Variants in TRAM2 observed in about 807,000 individuals in gnomAD.
The protein encoded by TRAM2 is translocation associated membrane protein 2, also known as translocating chain-associated membrane protein 2.
A neutral mutation model predicts 51.0 loss-of-function variants in TRAM2; 12 were observed. The ratio of observed to expected loss-of-function variants is 0.24; its 90% CI spans 0.15 to 0.38. TRAM2 has a LOEUF of 0.38. TRAM2 is among the 10% of genes least tolerant of loss of function. TRAM2 has a pLI of 1.00. For synonymous variants in TRAM2, 175 were observed against 179.4 expected, an observed-to-expected ratio of 0.98 and a Z score of 0.20; for missense variants, 361 against 462.0, an observed-to-expected ratio of 0.78 and a Z score of 2.00.
chr6:52,534,696 C>T (rs1651595532), intron 2 of TRAM2, among the ~76,000 whole-genome samples: 1 of 152,176 alleles, frequency 6.6e-6, no homozygotes, highest in African/African-American at 2.4e-5. Context: ...TCTTTGGATT[C>T]TTTTGTAGGG....
intron 2 of TRAM2, among the ~76,000 whole-genome samples, chr6:52,530,267 A>T (rs1391605874): frequency 6.6e-6 from 1 of 152,188 alleles, no homozygotes; most frequent in African/African-American, 2.4e-5. Context: ...AACCTCAAGG[A>T]CGCCAGGGTG....
chr6:52,577,027 A>G lies in TRAM2; in HGVS notation c.-112T>C. 8.1e-7 allele frequency: 1 copy of G among 1,229,070 alleles called. No individual in the cohort carries two copies. Among genetic ancestry groups the G allele is most frequent in the Non-Finnish European group, 1.0e-6 (1 of 974,684 alleles). 76.1% of individuals were successfully genotyped at this position (1,229,070 alleles called of 1,614,324 possible). On this transcript the variant is annotated 5_prime_UTR_variant, in exon 1 of 11. Transcript: ENST00000182527. ...CCGCCGGCCCGCCGCCCGCTCTCCC[A>G]CAGCCGCTCGCCCGCCCAGCGCGGA...
chr6:52,564,471 C>A (rs757307872), intron 1 of TRAM2, among the ~76,000 whole-genome samples: 1 of 152,150 alleles, frequency 6.6e-6, no homozygotes, highest in Admixed American at 6.5e-5. Flanking sequence ...ATTCCCCCTG[C>A]GCCCAAGCCT....
Position 52,500,272 on chromosome 6 carries a change from A to G in TRAM2, c.*2925T>C, listed in dbSNP as rs1766183388. 1 of 152,202 alleles carries G rather than the reference A, an allele frequency of 6.6e-6. No individual in the cohort carries two copies. The highest frequency in any genetic ancestry group is 1.9e-4 in the East Asian group (1 of 5,188). The allele number at this position is 152,202 out of a possible 1,614,324, so 9.4% of individuals were successfully genotyped here. A position where few individuals can be genotyped will look rare whatever the true frequency, so the allele number is the denominator to read the frequency against. On this transcript the variant is annotated 3_prime_UTR_variant, in exon 11 of 11. Transcript: ENST00000182527. ...ATGCATAAAACTGAAGAAAACAGCC[A>G]AAGTGGCCAAAATTAGAACAAGCTA...
Position 52,520,500 on chromosome 6 carries a change from G to A in TRAM2, c.185-3763C>T, listed in dbSNP as rs1766651276. Among the ~76,000 whole-genome samples the A allele has an allele frequency of 2.0e-5, 3 of 152,246 alleles. 1 individual carries two copies. Among genetic ancestry groups the A allele is most frequent in the African/African-American group, 4.8e-5 (2 of 41,466 alleles). On this transcript the variant is annotated intron_variant, in intron 2 of 10. Transcript: ENST00000182527. The stretch of plus-strand genomic sequence containing the variant: ...GTCAGTGACGGAATCAAAAGAACCA[G>A]CTAACAGCTGGCTACGCGGATGGAT...
chr6:52,512,161 AGGT>A (rs1453137138), intron 4 of TRAM2, among the ~76,000 whole-genome samples: 2 of 152,204 alleles, frequency 1.3e-5, no homozygotes, highest in Non-Finnish European at 2.9e-5. Flanking sequence ...TCTGAAACTG[AGGT>A]GGGAGAGAAA....
intron 1 of TRAM2, among the ~76,000 whole-genome samples, chr6:52,570,791 C>CG (rs1767663757): frequency 1.2e-5 from 1 of 80,140 alleles, no homozygotes; most frequent in Non-Finnish European, 3.1e-5. Context: ...CCTCCCTGCC[C>CG]ACCACCCCCC....
intron 1 of TRAM2, among the ~76,000 whole-genome samples, chr6:52,567,619 G>A (rs1245556705): frequency 6.6e-6 from 1 of 152,210 alleles, no homozygotes; most frequent in Non-Finnish European, 1.5e-5. Context: ...TAGCTTTCCA[G>A]AAATTTCTGC....
At chr6:52,544,736 GT>G (rs1302156352) in intron 1 of TRAM2, among the ~76,000 whole-genome samples, 2 of 152,232 alleles carry the variant, frequency 1.3e-5, no homozygotes, top group African/African-American at 4.8e-5. Context: ...GTCTCTGTTT[GT>G]CAGCAAATAA....
intron 1 of TRAM2, among the ~76,000 whole-genome samples, chr6:52,557,443 G>A (rs1256358247): frequency 6.6e-6 from 1 of 152,082 alleles, no homozygotes; most frequent in Non-Finnish European, 1.5e-5. Context: ...ACTGAAGTAG[G>A]TACAAGAATT....
chr6:52,567,833 T>A (rs922691741), intron 1 of TRAM2, among the ~76,000 whole-genome samples: 1 of 152,186 alleles, frequency 6.6e-6, no homozygotes, highest in African/African-American at 2.4e-5. Context: ...TAGAATCTGG[T>A]TTCAACTCAA....
rs1581708152 is a variant in TRAM2 at position 52,577,023 on chromosome 6, T to C, written c.-108A>G. The C allele has an allele frequency of 2.4e-6, 3 of 1,242,796 alleles. No individual in the cohort carries two copies. Among genetic ancestry groups the C allele is most frequent in the African/African-American group, 1.6e-5 (1 of 61,042 alleles). 77.0% of individuals were successfully genotyped at this position (1,242,796 alleles called of 1,614,324 possible). On this transcript the variant is annotated 5_prime_UTR_variant, in exon 1 of 11. Transcript: ENST00000182527. ...CCGCCCGCCGGCCCGCCGCCCGCTC[T>C]CCCACAGCCGCTCGCCCGCCCAGCG...
At position 52,501,050 on chromosome 6, in the gene TRAM2, T is replaced by C. The variant is rs779636475; in HGVS notation, c.*2147A>G. ...AAGGTGGGGGGCCTGAACTCAATTA[T>C]AGACTCTGTCAGGGCTGTTTGACTA... On this transcript the variant is annotated 3_prime_UTR_variant, in exon 11 of 11. Transcript: ENST00000182527. 3 of 152,178 alleles carry C rather than the reference T, an allele frequency of 2.0e-5. No individual in the cohort carries two copies. The highest frequency in any genetic ancestry group is 4.4e-5 in the Non-Finnish European group (3 of 68,052). 9.4% of individuals were successfully genotyped at this position (152,178 alleles called of 1,614,324 possible). A position where few individuals can be genotyped will look rare whatever the true frequency, so the allele number is the denominator to read the frequency against.
At chr6:52,564,141 C>T (rs1488699456) in intron 1 of TRAM2, among the ~76,000 whole-genome samples, 4 of 152,100 alleles carry the variant, frequency 2.6e-5, no homozygotes, top group Admixed American at 2.0e-4. Flanking sequence ...ATACTGACTA[C>T]GTGGTAGGTA....
intron 4 of TRAM2, among the ~76,000 whole-genome samples, chr6:52,512,332 A>C (rs1465935673): frequency 6.6e-6 from 1 of 152,196 alleles, no homozygotes; most frequent in Admixed American, 6.5e-5. Context: ...GAAACTCCCC[A>C]GAAAAATGTT....
At chr6:52,507,695 C>T in intron 6 of TRAM2, 72 bp from the exon 7 acceptor site, 1 of 1,494,692 alleles carries the variant, frequency 6.7e-7, no homozygotes, top group Admixed American at 1.8e-5. Context: ...GGGAAAAGTG[C>T]AGGGGGATGA....
intron 1 of TRAM2, 67 bp downstream of exon 1, chr6:52,576,729 G>A: frequency 6.4e-7 from 1 of 1,574,198 alleles, no homozygotes; most frequent in East Asian, 2.3e-5. Flanking sequence ...CTGACCTGCA[G>A]GGGTGTGCCG....
chr6:52,533,444 C>T (rs1766927208), intron 2 of TRAM2, among the ~76,000 whole-genome samples: 1 of 152,198 alleles, frequency 6.6e-6, no homozygotes. Context: ...GATGAGCGGG[C>T]ATCTGTCTGC....
At chr6:52,516,211 G>A in intron 3 of TRAM2, 89 bp from the exon 4 acceptor site, 1 of 1,194,014 alleles carries the variant, frequency 8.4e-7, no homozygotes. Context: ...CCACAGAAGG[G>A]TTGAACATCG....
Sources: allele counts gnomAD v4.1 joint callset (sites outside exome capture counted in the v4.1 genomes callset), GRCh38; gene constraint gnomAD v4.1.1; transcripts MANE v1.5; gene names NCBI Gene and HGNC (gene_info 2026-07-23, HGNC 2026-07-21).